RASGRF2: variants seen among roughly 807,000 people sequenced by gnomAD.
RASGRF2 encodes ras-specific guanine nucleotide-releasing factor 2.
RASGRF2 carries 76 observed loss-of-function variants against 151.0 expected under a neutral mutation model. That is an observed-to-expected ratio of 0.50 (90% CI 0.42 to 0.61). The LOEUF is 0.61. Ranked by LOEUF, RASGRF2 falls within the 20% of genes least tolerant of loss-of-function variation. The pLI, the probability that RASGRF2 is intolerant of heterozygous loss-of-function variation, is 0.00. For missense variants in RASGRF2, 1,148 were observed against 1,564.6 expected, an observed-to-expected ratio of 0.73 and a Z score of 4.49; for synonymous variants, 504 against 566.5, an observed-to-expected ratio of 0.89 and a Z score of 1.57.
chr5:81,026,150 TCCTC>T (rs1750021322), intron 1 of RASGRF2, among the ~76,000 whole-genome samples: 1 of 115,066 alleles, frequency 8.7e-6, no homozygotes, highest in Admixed American at 9.1e-5. Flanking sequence ...CTTCCATCCT[TCCTC>T]CCTCCCTCTC....
At chr5:81,060,383 A>G (rs1487062854) in intron 2 of RASGRF2, among the ~76,000 whole-genome samples, 4 of 152,130 alleles carry the variant, frequency 2.6e-5, no homozygotes, top group Admixed American at 1.3e-4. Context: ...CCCTGCTTCA[A>G]GTCGTTTCTC....
intron 1 of RASGRF2, among the ~76,000 whole-genome samples, chr5:81,005,602 T>C (rs1749243854): frequency 6.6e-6 from 1 of 152,232 alleles, no homozygotes; most frequent in African/African-American, 2.4e-5. Flanking sequence ...AAAAATCCCA[T>C]TGTATGGATA....
At chr5:81,165,525 T>C (rs1382360385) in intron 17 of RASGRF2, among the ~76,000 whole-genome samples, 3 of 152,222 alleles carry the variant, frequency 2.0e-5, no homozygotes, top group African/African-American at 4.8e-5. Context: ...TAATAGCTGC[T>C]TCTCTCACCT....
intron 1 of RASGRF2, among the ~76,000 whole-genome samples, chr5:80,989,406 T>C (rs1748579047): frequency 6.6e-6 from 1 of 152,248 alleles, no homozygotes; most frequent in Non-Finnish European, 1.5e-5. Context: ...GTTAAAAGAA[T>C]TGATCCAAAC....
intron 18 of RASGRF2, among the ~76,000 whole-genome samples, chr5:81,192,850 A>G (rs1755179735): frequency 1.3e-5 from 2 of 152,024 alleles, no homozygotes; most frequent in South Asian, 4.2e-4. Context: ...GTCTAAACTA[A>G]CTCTACACCA....
chr5:81,005,434 A>T (rs181692344), intron 1 of RASGRF2, among the ~76,000 whole-genome samples: 281 of 152,188 alleles, frequency 1.8e-3, no homozygotes, highest in African/African-American at 6.6e-3. Context: ...TGATTCCATT[A>T]CCTCCCACCA....
At chr5:80,965,855 A>AT (rs1453189650) in intron 1 of RASGRF2, among the ~76,000 whole-genome samples, 5 of 152,072 alleles carry the variant, frequency 3.3e-5, no homozygotes, top group African/African-American at 9.7e-5. Context: ...TTTTAAATGG[A>AT]TTTTTTTCTG....
rs141436360 is a variant in RASGRF2, at chr5:81,089,780, TTAA to T, written c.1390+2830_1390+2832del. Among the ~76,000 whole-genome samples the T allele has an allele frequency of 2.2e-3, 330 of 152,278 alleles. 3 individuals carry two copies. Among genetic ancestry groups the T allele is most frequent in the African/African-American group, 7.4e-3 (307 of 41,548 alleles). On this transcript the variant is annotated intron_variant, in intron 9 of 26. Transcript: ENST00000265080. ...TCAGTTTCTTCTCCTTAAATTGGAG[TTAA>T]TAGTAGTAGCTATCTTTTAGGATTG...
At chr5:81,222,018 A>T (rs1189458033) in intron 26 of RASGRF2, among the ~76,000 whole-genome samples, 1 of 151,936 alleles carries the variant, frequency 6.6e-6, no homozygotes, top group Non-Finnish European at 1.5e-5. Flanking sequence ...GATGCTCTAG[A>T]CTCATCTTTT....
intron 1 of RASGRF2, among the ~76,000 whole-genome samples, chr5:80,995,118 C>T (rs1320610888): frequency 6.6e-6 from 1 of 151,860 alleles, no homozygotes; most frequent in Non-Finnish European, 1.5e-5. Flanking sequence ...CACCCAGGCG[C>T]AGTGGCGGGT....
At chr5:81,028,503 A>G (rs780328518) in intron 1 of RASGRF2, among the ~76,000 whole-genome samples, 2 of 152,060 alleles carry the variant, frequency 1.3e-5, no homozygotes, top group Non-Finnish European at 2.9e-5. Context: ...TCAAGATGAG[A>G]TATAATTTAA....
chr5:81,128,694 C>T (rs1451655464), intron 17 of RASGRF2, among the ~76,000 whole-genome samples: 3 of 152,098 alleles, frequency 2.0e-5, no homozygotes, highest in African/African-American at 2.4e-5. Flanking sequence ...AGTAGCTCCA[C>T]GATTCTTTCT....
intron 17 of RASGRF2, among the ~76,000 whole-genome samples, chr5:81,177,639 A>G (rs898818586): frequency 6.6e-6 from 1 of 151,052 alleles, no homozygotes; most frequent in Non-Finnish European, 1.5e-5. Context: ...GATGACACAA[A>G]TATTAATCTG....
intron 1 of RASGRF2, among the ~76,000 whole-genome samples, chr5:81,020,361 T>C (rs1749785480): frequency 6.6e-6 from 1 of 152,200 alleles, no homozygotes; most frequent in African/African-American, 2.4e-5. Context: ...CTGTAATCTT[T>C]TAGAAATCTG....
In RASGRF2 at chr5:81,227,520, G is replaced by A. The variant is rs566590498; in HGVS notation, c.*1750G>A. On this transcript the variant is annotated 3_prime_UTR_variant, in exon 27 of 27. Coordinates refer to ENST00000265080, the MANE Select transcript of RASGRF2 (RefSeq NM_006909.3). Reference sequence around the variant, plus strand: ...TTGTTCTCTTTAGTTTCAAATAAGAGGTTGACGCATCTTGATGCATGATGA... The same window carrying A: ...TTGTTCTCTTTAGTTTCAAATAAGAAGTTGACGCATCTTGATGCATGATGA... 6.6e-6 allele frequency: 1 copy of A among 152,242 alleles called. No individual in the cohort carries two copies. Among genetic ancestry groups the A allele is most frequent in the Admixed American group, 6.5e-5 (1 of 15,284 alleles). The allele number at this position is 152,242 out of a possible 1,614,324, so 9.4% of individuals were successfully genotyped here.
chr5:81,124,480 C>A (rs973055851), intron 16 of RASGRF2, among the ~76,000 whole-genome samples: 5 of 152,136 alleles, frequency 3.3e-5, no homozygotes, highest in Non-Finnish European at 5.9e-5. Flanking sequence ...CCAATGTAGT[C>A]TGTATAAGTG....
chr5:80,970,971 C>T (rs1319517778), intron 1 of RASGRF2, among the ~76,000 whole-genome samples: 1 of 152,150 alleles, frequency 6.6e-6, no homozygotes, highest in Non-Finnish European at 1.5e-5. Context: ...TCTGGTCCTG[C>T]GCTGTCACCT....
At chr5:81,114,040 T>A (rs1009998574) in intron 15 of RASGRF2, 120 bp downstream of exon 15, 2 of 1,281,322 alleles carry the variant, frequency 1.6e-6, no homozygotes, top group African/African-American at 1.5e-5. Context: ...GCATAGAAAG[T>A]AGAATGAGCT....
chr5:81,189,492 CTT>C (rs1196446275), intron 18 of RASGRF2, among the ~76,000 whole-genome samples: 21 of 139,820 alleles, frequency 1.5e-4, no homozygotes, highest in Non-Finnish European at 1.4e-4. Flanking sequence ...GTGTGTGTTT[CTT>C]TTTTTTTTTT....
Sources: gnomAD v4.1 joint callset for allele counts (sites outside exome capture counted in the v4.1 genomes callset) on GRCh38, gnomAD v4.1.1 for gene constraint, MANE v1.5 for transcripts, NCBI Gene and HGNC (gene_info 2026-07-23, HGNC 2026-07-21) for gene names.